Variants in FAM20C observed in about 807,000 individuals in gnomAD.
FAM20C encodes extracellular serine/threonine protein kinase FAM20C.
Under a neutral mutation model 51.5 loss-of-function variants are expected in FAM20C, and 40 were observed. That is an observed-to-expected ratio of 0.78 (90% CI 0.60 to 1.01). The LOEUF is 1.01. Ranked by LOEUF, FAM20C falls within the 50% of genes least tolerant of loss-of-function variation. FAM20C has a pLI of 0.00. For missense variants in FAM20C, 861 were observed against 844.7 expected (o/e 1.02, Z -0.24); for synonymous variants, 406 against 380.6 (o/e 1.07, Z -0.78).
intron 3 of FAM20C, among the ~76,000 whole-genome samples, chr7:217,767 G>T (rs79718152): frequency 0.013 from 1,966 of 152,140 alleles, 47 homozygotes; most frequent in African/African-American, 0.045. Context: ...CCCGGGGCCC[G>T]CGCGTCACTG....
chr7:217,089 G>T (rs753326382), intron 3 of FAM20C, among the ~76,000 whole-genome samples: 1 of 152,142 alleles, frequency 6.6e-6, no homozygotes, highest in African/African-American at 2.4e-5. Context: ...CTCCTCTACC[G>T]AGCGAAGGGG....
intron 5 of FAM20C, among the ~76,000 whole-genome samples, chr7:250,626 G>C (rs955528194): frequency 1.4e-4 from 21 of 152,164 alleles, no homozygotes; most frequent in African/African-American, 5.1e-4. Flanking sequence ...GGCTTCCTAA[G>C]CACGCCTGAG....
intron 3 of FAM20C, among the ~76,000 whole-genome samples, chr7:223,076 G>C (rs1429480140): frequency 1.3e-5 from 2 of 152,094 alleles, no homozygotes; most frequent in African/African-American, 4.8e-5. Context: ...CGTGTGTGTA[G>C]GCTTATGTGA....
intron 5 of FAM20C, among the ~76,000 whole-genome samples, chr7:253,840 C>T (rs144179863): frequency 0.029 from 4,392 of 152,312 alleles, 85 homozygotes; most frequent in Middle Eastern, 0.037. Context: ...CCGGCTTAGG[C>T]GAGGACGGGA....
At chr7:217,639 C>T (rs994713179) in intron 3 of FAM20C, among the ~76,000 whole-genome samples, 4 of 152,282 alleles carry the variant, frequency 2.6e-5, no homozygotes, top group African/African-American at 7.2e-5. Flanking sequence ...AGGCCTTTCT[C>T]GCACCCATGT....
intron 3 of FAM20C, among the ~76,000 whole-genome samples, chr7:209,263 G>A (rs1786591868): frequency 6.6e-6 from 1 of 152,188 alleles, no homozygotes; most frequent in African/African-American, 2.4e-5. Flanking sequence ...CAAGTAACCT[G>A]GAATGTGAAC....
rs28750091 is a variant in FAM20C, at chr7:220,974, C to A, written c.863+11998C>A. 4.4e-4 allele frequency among the ~76,000 whole-genome samples: 49 copies of A among 112,320 alleles called. 2 individuals are homozygous for A. Among genetic ancestry groups the A allele is most frequent in the East Asian group, 2.3e-3 (9 of 3,994 alleles). The allele number at this position is 112,320 out of a possible 152,430, so 73.7% of individuals were successfully genotyped here. ...CCGTTCTTAGCATCTGGGCACAGGGCGGAGGCTCGTCTCCAGCAGGGCAGG... is the reference window on the plus strand; with the variant it reads ...CCGTTCTTAGCATCTGGGCACAGGGAGGAGGCTCGTCTCCAGCAGGGCAGG... On this transcript the variant is annotated intron_variant, in intron 3 of 9. Transcript: ENST00000313766.
Position 244,532 on chromosome 7 carries a change from G to T in FAM20C, c.864-1883G>T, listed in dbSNP as rs142818623. On this transcript the variant is annotated intron_variant, in intron 3 of 9. Transcript: ENST00000313766. ...TCTTTCTCTTGAACCTCAGGATCCC[G>T]GCCAGTCTGGGCCTCGGCTCTGCAG... Among the ~76,000 whole-genome samples, 1,333 of 152,258 alleles carry T rather than the reference G, an allele frequency of 8.8e-3. 23 individuals are homozygous for T. Among genetic ancestry groups the T allele is most frequent in the African/African-American group, 0.031 (1,267 of 41,538 alleles).
At chr7:232,418 C>T (rs958057120) in intron 3 of FAM20C, among the ~76,000 whole-genome samples, 11 of 152,194 alleles carry the variant, frequency 7.2e-5, no homozygotes, top group South Asian at 2.1e-4. Flanking sequence ...CACACCTGCA[C>T]GCGTGGCCCT....
intron 2 of FAM20C, among the ~76,000 whole-genome samples, chr7:196,444 G>T (rs1385717635): frequency 2.6e-5 from 4 of 152,236 alleles, no homozygotes; most frequent in Admixed American, 2.0e-4. Context: ...GGTCCCATTT[G>T]TCACCAGTGC....
Position 205,969 on chromosome 7 carries a change from C to T in FAM20C, c.785-2929C>T, listed in dbSNP as rs190120698. The stretch of plus-strand genomic sequence containing the variant: ...AGCTTTCTTCCACCAAACCTACAAA[C>T]CCATCTGCAGGCAGCTCCCCCATCC... On this transcript the variant is annotated intron_variant, in intron 2 of 9. Coordinates refer to ENST00000313766, the MANE Select transcript of FAM20C (RefSeq NM_020223.4). 3.8e-3 allele frequency among the ~76,000 whole-genome samples: 583 copies of T among 152,208 alleles called. 8 individuals are homozygous for T. The highest frequency in any genetic ancestry group is 0.014 in the African/African-American group (565 of 41,532).
intron 3 of FAM20C, among the ~76,000 whole-genome samples, chr7:245,075 G>A (rs953897122): frequency 3.3e-5 from 5 of 152,230 alleles, no homozygotes; most frequent in Admixed American, 1.3e-4. Context: ...TTCGTGTGGC[G>A]ATGATGTCGG....
chr7:211,679 C>CT (rs1348735962), intron 3 of FAM20C, among the ~76,000 whole-genome samples: 8 of 152,146 alleles, frequency 5.3e-5, no homozygotes, highest in Non-Finnish European at 8.8e-5. Flanking sequence ...GCCAGTGTGA[C>CT]GCGTGGGCTA....
intron 3 of FAM20C, among the ~76,000 whole-genome samples, chr7:216,846 T>C (rs1461286929): frequency 6.6e-6 from 1 of 152,074 alleles, no homozygotes; most frequent in Non-Finnish European, 1.5e-5. Flanking sequence ...TGACACAGTA[T>C]TTCTAGATGC....
chr7:235,905 T>C (rs1160228131), intron 3 of FAM20C, among the ~76,000 whole-genome samples: 4 of 152,230 alleles, frequency 2.6e-5, no homozygotes, highest in African/African-American at 9.6e-5. Flanking sequence ...GCGACTGCCC[T>C]GTCTCCCCCA....
intron 3 of FAM20C, among the ~76,000 whole-genome samples, chr7:218,410 G>C (rs1332148316): frequency 6.6e-6 from 1 of 152,330 alleles, no homozygotes; most frequent in Non-Finnish European, 1.5e-5. Flanking sequence ...CAGTTCACCC[G>C]CACTGACCCT....
In FAM20C at chr7:258,664, C is replaced by A; in HGVS notation, c.1464C>A (p.His488Gln). The A allele has an allele frequency of 6.5e-7, 1 of 1,536,704 alleles. No homozygotes were observed. Among genetic ancestry groups the A allele is most frequent in the Non-Finnish European group, 8.7e-7 (1 of 1,146,554 alleles). ...DNGRGFGKYS[H>Q]DELSILVPLQ... ...CTGGAAGGTTTGGGAAGTATTCGCA[C>A]GACGAGCTCTCCATCCTGGTGCCGC... is the stretch of plus-strand genomic sequence containing the variant. The change falls in exon 9 of 10, where the codon CAC becomes CAA. Residue 488 changes from histidine (H) to glutamine (Q), a missense_variant. Coordinates refer to ENST00000313766, the MANE Select transcript of FAM20C (RefSeq NM_020223.4).
At chr7:255,749 A>G (rs985255191) in intron 5 of FAM20C, 100 bp from the exon 6 acceptor site, 104 of 1,296,836 alleles carry the variant, frequency 8.0e-5, no homozygotes, top group Non-Finnish European at 1.0e-4. Flanking sequence ...GCCCATGAGA[A>G]GCACCAGGCA....
At chr7:228,800 T>C in intron 3 of FAM20C, 1 of 456,172 alleles carries the variant, frequency 2.2e-6, no homozygotes, top group African/African-American at 2.0e-5. Context: ...GCTGACGGCA[T>C]GAGTGGGGTC....
Sources: allele counts gnomAD v4.1 joint callset (sites outside exome capture counted in the v4.1 genomes callset), GRCh38; gene constraint gnomAD v4.1.1; transcripts MANE v1.5; gene names NCBI Gene and HGNC (gene_info 2026-07-23, HGNC 2026-07-21).